Variants in CCDC150 observed in about 807,000 individuals in gnomAD.
CCDC150 encodes coiled-coil domain-containing protein 150.
A neutral mutation model predicts 156.5 loss-of-function variants in CCDC150; 151 were observed. The ratio of observed to expected loss-of-function variants is 0.97; its 90% CI spans 0.85 to 1.10. The LOEUF is 1.10. Among genes scored for constraint, CCDC150 ranks in the 50% least tolerant of loss-of-function variants. The pLI is 0.00. For synonymous variants in CCDC150, 452 were observed against 429.4 expected, an observed-to-expected ratio of 1.05 and a Z score of -0.65; for missense variants, 1,312 against 1,268.1, an observed-to-expected ratio of 1.03 and a Z score of -0.53.
At chr2:196,654,489 C>T (rs1693073120) in intron 2 of CCDC150, among the ~76,000 whole-genome samples, 1 of 151,688 alleles carries the variant, frequency 6.6e-6, no homozygotes, top group Non-Finnish European at 1.5e-5. Context: ...TACCTGTCAT[C>T]AGGTTTACTT....
At chr2:196,651,573 CT>C (rs1271203963) in intron 2 of CCDC150, among the ~76,000 whole-genome samples, 1 of 152,046 alleles carries the variant, frequency 6.6e-6, no homozygotes, top group Non-Finnish European at 1.5e-5. Context: ...TTTTATTTTT[CT>C]TTTGGGATTT....
intron 2 of CCDC150, among the ~76,000 whole-genome samples, chr2:196,650,731 A>G (rs1692829344): frequency 6.6e-6 from 1 of 152,172 alleles, no homozygotes; most frequent in South Asian, 2.1e-4. Context: ...TGTGTTCAGG[A>G]ATATTGAACT....
At chr2:196,650,741 T>C (rs1051932238) in intron 2 of CCDC150, among the ~76,000 whole-genome samples, 1 of 152,246 alleles carries the variant, frequency 6.6e-6, no homozygotes, top group Non-Finnish European at 1.5e-5. Context: ...AATATTGAAC[T>C]GTAATTTTCT....
At chr2:196,649,933 T>A (rs1264733213) in intron 2 of CCDC150, among the ~76,000 whole-genome samples, 3 of 152,232 alleles carry the variant, frequency 2.0e-5, no homozygotes, top group Non-Finnish European at 4.4e-5. Context: ...ATTTTGTATG[T>A]CTTCAACAAA....
chr2:196,714,769 T>C lies in CCDC150; in HGVS notation c.1866+2030T>C, dbSNP rs148485724. On this transcript the variant is annotated intron_variant, in intron 17 of 27. Transcript: ENST00000389175. ...ACTATTTAGATGTCTTCTGTAAACA[T>C]CTAGTGGCATTTTTGCATTTATATG... Among the ~76,000 whole-genome samples, 1,012 of 152,278 alleles carry C rather than the reference T, an allele frequency of 6.6e-3. 9 individuals carry two copies. Among genetic ancestry groups the C allele is most frequent in the Non-Finnish European group, 8.3e-3 (563 of 68,008 alleles).
At chr2:196,657,857 A>G (rs777985442) in intron 4 of CCDC150, among the ~76,000 whole-genome samples, 16 of 152,182 alleles carry the variant, frequency 1.1e-4, no homozygotes, top group Non-Finnish European at 1.8e-4. Context: ...GTTGTCCAAG[A>G]TCAGACATAC....
chr2:196,647,476 TTAAAA>T (rs1215471178), intron 2 of CCDC150, among the ~76,000 whole-genome samples: 1 of 152,138 alleles, frequency 6.6e-6, no homozygotes, highest in Non-Finnish European at 1.5e-5. Flanking sequence ...AAAATCCATA[TTAAAA>T]TAAACAACAA....
intron 21 of CCDC150, among the ~76,000 whole-genome samples, chr2:196,723,428 AGAGGTTGCAGT>A (rs754934101): frequency 4.6e-5 from 7 of 152,126 alleles, no homozygotes; most frequent in Non-Finnish European, 1.0e-4. Context: ...CCTGGGAGGC[AGAGGTTGCAGT>A]GAGGTTGCAG....
rs963759461 is a variant in CCDC150, at chr2:196,732,520, G to A, written c.3264G>A (p.Arg1088=). The A allele has an allele frequency of 6.2e-7, 1 of 1,613,632 alleles. No individual in the cohort carries two copies. The highest frequency in any genetic ancestry group is 1.3e-5 in the African/African-American group (1 of 75,000). ...GATGGGAGAGAAAACAGAATCTTAG[G>A]CCCATGCCCAAGAAGTATCATTCTG... The part of the protein sequence containing the change: ...LHRWERKQNL[R]PMPKKYHSEV... Residue 1088 remains arginine (R), a synonymous_variant, in exon 28 of 28, where the codon AGG becomes AGA. Coordinates refer to ENST00000389175, the MANE Select transcript of CCDC150 (RefSeq NM_001080539.2).
intron 14 of CCDC150, among the ~76,000 whole-genome samples, chr2:196,696,131 G>A (rs574954271): frequency 6.6e-6 from 1 of 152,046 alleles, no homozygotes; most frequent in Non-Finnish European, 1.5e-5. Context: ...CTGTGACCTC[G>A]GGTATGATCC....
At chr2:196,662,628 G>A (rs1693622414) in intron 5 of CCDC150, among the ~76,000 whole-genome samples, 1 of 152,152 alleles carries the variant, frequency 6.6e-6, no homozygotes, top group Non-Finnish European at 1.5e-5. Context: ...AACAAGCCAT[G>A]GAGTAGTACC....
rs74600676 is a variant in CCDC150, at chr2:196,695,067, C to T, written c.1531C>T (p.His511Tyr). The T allele has an allele frequency of 6.4e-4, 1,028 of 1,604,522 alleles. 8 individuals are homozygous for T. The highest frequency in any genetic ancestry group is 5.1e-3 in the East Asian group (227 of 44,798). Residue 511 changes from histidine (H) to tyrosine (Y), a missense_variant, in exon 14 of 28, where the codon CAT (histidine) becomes TAT (tyrosine). His to Tyr is a moderately conservative substitution (Grantham distance 83). Coordinates refer to ENST00000389175, the MANE Select transcript of CCDC150 (RefSeq NM_001080539.2). ...AAAGGTAGACATAAATACATTAACT[C>T]ATAACCTGCAGACTCTTGAAGAAGA... ...KNKVDINTLTHNLQTLEEENK... is the reference protein window; with the variant it reads ...KNKVDINTLTYNLQTLEEENK...
chr2:196,707,856 C>T (rs768781775), intron 15 of CCDC150, among the ~76,000 whole-genome samples: 1 of 152,138 alleles, frequency 6.6e-6, no homozygotes, highest in Non-Finnish European at 1.5e-5. Context: ...TTTGATTGTA[C>T]TGTCATCTGA....
At chr2:196,716,737 TTAAG>T (rs1391187167) in intron 17 of CCDC150, among the ~76,000 whole-genome samples, 4 of 152,088 alleles carry the variant, frequency 2.6e-5, no homozygotes, top group Admixed American at 1.3e-4. Context: ...AATGTACACT[TTAAG>T]TATGTGTAGC....
chr2:196,702,589 T>TACATGGAGAAAC (rs1696299819), intron 15 of CCDC150, among the ~76,000 whole-genome samples: 1 of 151,980 alleles, frequency 6.6e-6, no homozygotes, highest in Non-Finnish European at 1.5e-5. Context: ...CAGGCTGGTC[T>TACATGGAGAAAC]CGAACTCCTG....
Position 196,656,831 on chromosome 2 carries a change from G to A in CCDC150, c.375G>A (p.Lys125=). The A allele has an allele frequency of 6.2e-7, 1 of 1,613,834 alleles. No individual in the cohort carries two copies. Among genetic ancestry groups the A allele is most frequent in the Middle Eastern group, 1.7e-4 (1 of 6,060 alleles). ...KMNIFRLQTE[K]DLNPQKTAFL... is the part of the protein sequence containing the mutation. ...ACATCTTTCGGCTGCAAACTGAAAA[G>A]GATTTGAATCCTCAGAAAACAGGTA... The change falls in exon 3 of 28, where the codon AAG becomes AAA. Residue 125 remains lysine, a synonymous_variant. Coordinates refer to ENST00000389175, the MANE Select transcript of CCDC150 (RefSeq NM_001080539.2).
chr2:196,717,614 G>A (rs1208864089), intron 17 of CCDC150, among the ~76,000 whole-genome samples: 2 of 152,184 alleles, frequency 1.3e-5, no homozygotes, highest in African/African-American at 2.4e-5. Context: ...TAAAGGGGCG[G>A]GGCGTGGTTT....
intron 2 of CCDC150, among the ~76,000 whole-genome samples, chr2:196,647,814 TATAGTC>T (rs1692634401): frequency 6.6e-6 from 1 of 152,160 alleles, no homozygotes. Context: ...TATTATTAAT[TATAGTC>T]AAGGTACTTT....
At chr2:196,674,405 A>C in intron 10 of CCDC150, 57 bp downstream of exon 10, 1 of 957,898 alleles carries the variant, frequency 1.0e-6, no homozygotes, top group East Asian at 2.6e-5. Context: ...AGATCAGGAA[A>C]TGTTTATGGC....
Sources: allele counts gnomAD v4.1 joint callset (sites outside exome capture counted in the v4.1 genomes callset), GRCh38; gene constraint gnomAD v4.1.1; transcripts MANE v1.5; gene names NCBI Gene and HGNC (gene_info 2026-07-23, HGNC 2026-07-21).